Variants in KRT24 observed in about 807,000 individuals in gnomAD.
KRT24 encodes keratin 24, also known as keratin, type I cytoskeletal 24.
Under a neutral mutation model 51.7 loss-of-function variants are expected in KRT24, and 44 were observed. The ratio of observed to expected loss-of-function variants is 0.85; its 90% CI spans 0.67 to 1.09. KRT24 has a LOEUF of 1.09. KRT24 is among the 50% of genes least tolerant of loss of function. The probability of loss-of-function intolerance (pLI) is 0.00; values close to 1 mark genes in which losing one functional copy is unlikely to be tolerated. For missense variants in KRT24, 633 were observed against 647.0 expected (o/e 0.98, Z 0.24); for synonymous variants, 241 against 249.5 (o/e 0.97, Z 0.32).
Position 40,700,018 on chromosome 17 carries a change from G to T in KRT24, c.1123C>A (p.Leu375Ile), listed in dbSNP as rs1315913324. 1 of 1,614,186 alleles carries T rather than the reference G, an allele frequency of 6.2e-7. No homozygotes were observed. Among genetic ancestry groups the T allele is most frequent in the Non-Finnish European group, 8.5e-7 (1 of 1,180,022 alleles). ...CATACCATGGCCAGTTGGGACTGAAGCTCAATTTCCAGGGCTTGCAGGGTA... is the reference window on the plus strand; with the variant it reads ...CATACCATGGCCAGTTGGGACTGAATCTCAATTTCCAGGGCTTGCAGGGTA... Reference protein sequence around the residue: ...KRTLQALEIELQSQLAMKSSL... With the variant: ...KRTLQALEIEIQSQLAMKSSL... The change falls in exon 5 of 8, where the codon CTT (leucine) becomes ATT (isoleucine). Residue 375 changes from leucine to isoleucine, a missense_variant. Coordinates refer to ENST00000264651, the MANE Select transcript of KRT24 (RefSeq NM_019016.3).
chr17:40,700,190 A>G (rs2037659327), intron 4 of KRT24, 32 bp downstream of exon 4: 3 of 1,613,884 alleles, frequency 1.9e-6, no homozygotes, highest in South Asian at 2.2e-5. Context: ...GTGTGTGGCT[A>G]CTGGCTTAGG....
At chr17:40,701,060 G>T in intron 3 of KRT24, 80 bp downstream of exon 3, 1 of 1,447,896 alleles carries the variant, frequency 6.9e-7, no homozygotes, top group Non-Finnish European at 9.5e-7. Context: ...ACTGCACCCA[G>T]CCAATTTTAT....
chr17:40,702,560 G>A (rs573523566), intron 1 of KRT24, among the ~76,000 whole-genome samples: 1 of 152,242 alleles, frequency 6.6e-6, no homozygotes, highest in South Asian at 2.1e-4. Context: ...ATTATCTCAT[G>A]AGCTTTTTCA....
rs1171471690 is a variant in KRT24, at chr17:40,699,444, C to T, written c.1361G>A (p.Gly454Asp). ...TAGTTTGTTCATGACTTTGGTTTACCCTCCCTCTCCATCGAGCAGGCGGCG... is the reference window on the plus strand; with the variant it reads ...TAGTTTGTTCATGACTTTGGTTTACTCTCCCTCTCCATCGAGCAGGCGGCG... ...TYRRLLDGEG[G>D]GSSFAEFGGR... The change falls in exon 6 of 8, where the codon GGT becomes GAT. Residue 454 changes from glycine (G) to aspartate (D), a missense_variant and splice_region_variant. Physicochemically the swap from Gly to Asp is moderately conservative, Grantham distance 94. Coordinates refer to ENST00000264651, the MANE Select transcript of KRT24 (RefSeq NM_019016.3). 6.2e-7 allele frequency: 1 copy of T among 1,613,426 alleles called. No individual in the cohort carries two copies. The highest frequency in any genetic ancestry group is 1.7e-5 in the Admixed American group (1 of 60,000).
intron 4 of KRT24, 44 bp from the exon 5 acceptor site, chr17:40,700,167 G>A (rs1332739631): frequency 3.7e-6 from 6 of 1,613,888 alleles, no homozygotes; most frequent in Non-Finnish European, 5.1e-6. Context: ...GATGAAAGGA[G>A]CAGAAGCGGC....
intron 3 of KRT24, among the ~76,000 whole-genome samples, chr17:40,700,822 C>T (rs1162391992): frequency 2.0e-5 from 3 of 152,070 alleles, no homozygotes; most frequent in South Asian, 2.1e-4. Context: ...AGGCTGGTCT[C>T]GAAATCCTGA....
At chr17:40,702,007 A>G in intron 1 of KRT24, 74 bp from the exon 2 acceptor site, 1 of 671,064 alleles carries the variant, frequency 1.5e-6, no homozygotes, top group South Asian at 2.3e-5. Flanking sequence ...TTGTAAGGGT[A>G]GCTGTTGCCT....
At chr17:40,699,691 G>T (rs2037652575) in intron 5 of KRT24, 30 bp from the exon 6 acceptor site, 1 of 1,577,352 alleles carries the variant, frequency 6.3e-7, no homozygotes, top group Non-Finnish European at 8.7e-7. Context: ...AAAAATTCAT[G>T]ATGAAAATAA....
intron 7 of KRT24, 87 bp from the exon 8 acceptor site, chr17:40,698,427 T>C (rs965834068): frequency 9.7e-6 from 11 of 1,128,526 alleles, no homozygotes; most frequent in Admixed American, 1.7e-5. Context: ...ATTCAACGTG[T>C]TCTGTCTGGG....
chr17:40,698,495 C>A (rs562197641), intron 7 of KRT24, 43 bp downstream of exon 7: 1 of 1,280,336 alleles, frequency 7.8e-7, no homozygotes, highest in Non-Finnish European at 1.1e-6. Flanking sequence ...TATGTCTTCA[C>A]TTTTAAATTA....
intron 4 of KRT24, 42 bp from the exon 5 acceptor site, chr17:40,700,165 G>A (rs2037658930): frequency 1.2e-6 from 2 of 1,613,980 alleles, no homozygotes; most frequent in Non-Finnish European, 1.7e-6. Context: ...CTGATGAAAG[G>A]AGCAGAAGCG....
intron 5 of KRT24, 95 bp downstream of exon 5, chr17:40,699,903 C>T: frequency 6.7e-7 from 1 of 1,486,624 alleles, no homozygotes; most frequent in Non-Finnish European, 9.3e-7. Flanking sequence ...CTTAACACTG[C>T]CTTTTTTATG....
At position 40,700,077 on chromosome 17, in the gene KRT24, G is replaced by A. The variant is rs1438538780; in HGVS notation, c.1064C>T (p.Thr355Ile). ...AQISTDAGAATSAKNEITELK... is the reference protein window; with the variant it reads ...AQISTDAGAAISAKNEITELK... ...TTCTGTTATCTCATTCTTGGCAGAA[G>A]TGGCTGCCCCAGCATCAGTGGAGAT... is the stretch of plus-strand genomic sequence containing the variant. The change falls in exon 5 of 8, where the codon ACT becomes ATT. Residue 355 changes from threonine (T) to isoleucine (I), a missense_variant. Thr to Ile is a moderately conservative substitution (Grantham distance 89). Transcript: ENST00000264651. 3 of 1,614,088 alleles carry A rather than the reference G, an allele frequency of 1.9e-6. No homozygotes were observed. The highest frequency in any genetic ancestry group is 1.7e-6 in the Non-Finnish European group (2 of 1,180,052).
rs780833770 is a variant in KRT24, at chr17:40,703,530, C to T, written c.164G>A (p.Gly55Glu). Reference protein sequence around the residue: ...GGASSCSLSGGSSGAFGGSFG... With the variant: ...GGASSCSLSGESSGAFGGSFG... ...GCTGCCCCCAAAAGCACCGCTAGAC[C>T]CCCCACTCAGGCTGCAGCTGCTGGC... Residue 55 changes from glycine to glutamate, a missense_variant, in exon 1 of 8, where the codon GGG becomes GAG. Gly to Glu is a moderately conservative substitution (Grantham distance 98). Coordinates refer to ENST00000264651, the MANE Select transcript of KRT24 (RefSeq NM_019016.3). The T allele has an allele frequency of 3.2e-6, 5 of 1,585,466 alleles. No individual in the cohort carries two copies. Among genetic ancestry groups the T allele is most frequent in the East Asian group, 2.3e-5 (1 of 43,106 alleles).
intron 1 of KRT24, 97 bp from the exon 2 acceptor site, chr17:40,702,030 C>G: frequency 2.0e-6 from 1 of 502,144 alleles, no homozygotes; most frequent in South Asian, 3.4e-5. Context: ...GTTATTAGCT[C>G]TTTTTTTTGT....
intron 5 of KRT24, 46 bp from the exon 6 acceptor site, chr17:40,699,707 T>C: frequency 1.3e-6 from 2 of 1,532,322 alleles, no homozygotes; most frequent in Non-Finnish European, 1.8e-6. Flanking sequence ...AATAAATCAT[T>C]GGATGATTTT....
intron 2 of KRT24, 72 bp from the exon 3 acceptor site, chr17:40,701,368 T>C (rs1235259383): frequency 5.0e-5 from 64 of 1,285,668 alleles, no homozygotes; most frequent in Non-Finnish European, 6.8e-5. Context: ...TACCTTCCAT[T>C]CTTACATATT....
intron 5 of KRT24, 111 bp from the exon 6 acceptor site, chr17:40,699,772 A>G: frequency 9.8e-7 from 1 of 1,019,062 alleles, no homozygotes; most frequent in Non-Finnish European, 1.4e-6. Context: ...TATAACCTAT[A>G]TTGTTATATC....
intron 6 of KRT24, 146 bp from the exon 7 acceptor site, chr17:40,698,796 A>G (rs745521367): frequency 1.6e-6 from 1 of 619,358 alleles, no homozygotes; most frequent in Non-Finnish European, 2.9e-6. Context: ...TCAACCTTGC[A>G]CTCCTGGGCT....
Sources: gnomAD v4.1 joint callset for allele counts (sites outside exome capture counted in the v4.1 genomes callset) on GRCh38, gnomAD v4.1.1 for gene constraint, MANE v1.5 for transcripts, NCBI Gene and HGNC (gene_info 2026-07-23, HGNC 2026-07-21) for gene names.